TMEFF1: variants seen among roughly 807,000 people sequenced by gnomAD.
TMEFF1 encodes transmembrane protein with EGF like and two follistatin like domains 1.
A neutral mutation model predicts 47.5 loss-of-function variants in TMEFF1; 20 were observed. The ratio of observed to expected loss-of-function variants is 0.42; its 90% CI spans 0.30 to 0.61. The LOEUF (loss-of-function observed/expected upper bound fraction) is 0.61, where lower values mean the gene tolerates loss of function less well. Among genes scored for constraint, TMEFF1 ranks in the 20% least tolerant of loss-of-function variants. TMEFF1 has a pLI of 0.19. For missense variants in TMEFF1, 411 were observed against 471.1 expected, an observed-to-expected ratio of 0.87 and a Z score of 1.18; for synonymous variants, 162 against 166.3, an observed-to-expected ratio of 0.97 and a Z score of 0.20.
At chr9:100,510,929 A>C (rs1022458735) in intron 3 of TMEFF1, among the ~76,000 whole-genome samples, 4 of 152,112 alleles carry the variant, frequency 2.6e-5, no homozygotes, top group Non-Finnish European at 5.9e-5. Context: ...CCCAACCCTA[A>C]GACTTAGACG....
intron 6 of TMEFF1, among the ~76,000 whole-genome samples, chr9:100,549,523 C>A (rs748175482): frequency 6.6e-6 from 1 of 152,164 alleles, no homozygotes; most frequent in Non-Finnish European, 1.5e-5. Flanking sequence ...TTAGTCCCCT[C>A]TGTAATTTTT....
At chr9:100,569,057 G>A (rs1221154623) in intron 8 of TMEFF1, among the ~76,000 whole-genome samples, 1 of 152,156 alleles carries the variant, frequency 6.6e-6, no homozygotes, top group African/African-American at 2.4e-5. Context: ...AAGTTTTTGT[G>A]TGAACGTGTT....
intron 1 of TMEFF1, among the ~76,000 whole-genome samples, chr9:100,475,124 G>A (rs1006505053): frequency 6.6e-6 from 1 of 152,222 alleles, no homozygotes; most frequent in Admixed American, 6.5e-5. Context: ...GGAATCTGCC[G>A]GACAACCTTT....
intron 1 of TMEFF1, among the ~76,000 whole-genome samples, chr9:100,486,737 A>G (rs879411571): frequency 2.0e-5 from 3 of 151,910 alleles, no homozygotes; most frequent in Admixed American, 6.6e-5. Context: ...GGCTCAATTG[A>G]TCCTCCTACC....
In TMEFF1 at chr9:100,532,733, A is replaced by G. The variant is rs1324586799; in HGVS notation, c.561-15011A>G. On this transcript the variant is annotated intron_variant, in intron 5 of 9. Coordinates refer to ENST00000374879, the MANE Select transcript of TMEFF1 (RefSeq NM_003692.5). The stretch of plus-strand genomic sequence containing the variant: ...TACCATTTGACCCAGCCATCCCATT[A>G]CTGGGTATATACCCAAAGGACTATA... Among the ~76,000 whole-genome samples the G allele has an allele frequency of 3.9e-5, 6 of 152,108 alleles. No individual in the cohort carries two copies. The East Asian group carries it at 1.2e-3, about 29-fold the overall frequency.
At chr9:100,506,310 A>C (rs75295096) in intron 2 of TMEFF1, among the ~76,000 whole-genome samples, 3 of 152,262 alleles carry the variant, frequency 2.0e-5, no homozygotes, top group Non-Finnish European at 4.4e-5. Flanking sequence ...AATGTGAAAA[A>C]TTTGTTGACA....
intron 1 of TMEFF1, among the ~76,000 whole-genome samples, chr9:100,479,349 C>T (rs1837296291): frequency 6.6e-6 from 1 of 152,154 alleles, no homozygotes; most frequent in Admixed American, 6.5e-5. Context: ...GCTTGCTTCC[C>T]TACAGCAGTC....
chr9:100,485,812 T>G (rs1325523644), intron 1 of TMEFF1, among the ~76,000 whole-genome samples: 4 of 152,220 alleles, frequency 2.6e-5, no homozygotes, highest in Admixed American at 2.6e-4. Context: ...CTGAAAATTC[T>G]CTCCGTATAT....
At chr9:100,542,560 G>A (rs1053403785) in intron 5 of TMEFF1, among the ~76,000 whole-genome samples, 2 of 152,114 alleles carry the variant, frequency 1.3e-5, no homozygotes, top group Non-Finnish European at 2.9e-5. Flanking sequence ...CTACCTTAGC[G>A]CATAGCAGGT....
intron 2 of TMEFF1, among the ~76,000 whole-genome samples, chr9:100,504,999 A>G (rs1220463730): frequency 6.6e-6 from 1 of 152,252 alleles, no homozygotes; most frequent in African/African-American, 2.4e-5. Flanking sequence ...TAAAGGAGAA[A>G]TAAAAGTAAT....
intron 5 of TMEFF1, among the ~76,000 whole-genome samples, chr9:100,545,589 G>A (rs1303275882): frequency 6.6e-6 from 1 of 152,148 alleles, no homozygotes; most frequent in Admixed American, 6.5e-5. Context: ...CATTGTTTTG[G>A]GGATTAACAT....
chr9:100,537,426 T>C (rs1838536012), intron 5 of TMEFF1, among the ~76,000 whole-genome samples: 3 of 152,220 alleles, frequency 2.0e-5, no homozygotes, highest in African/African-American at 4.8e-5. Flanking sequence ...TTATTACATG[T>C]AGATTCAGAG....
intron 5 of TMEFF1, among the ~76,000 whole-genome samples, chr9:100,521,372 T>G (rs919946203): frequency 6.6e-6 from 1 of 152,304 alleles, no homozygotes; most frequent in East Asian, 1.9e-4. Context: ...AATTTATACC[T>G]AGAGGTGTAG....
At chr9:100,533,321 G>A (rs943362143) in intron 5 of TMEFF1, among the ~76,000 whole-genome samples, 1 of 151,972 alleles carries the variant, frequency 6.6e-6, no homozygotes, top group Admixed American at 6.6e-5. Context: ...AATGATTAGT[G>A]TACCCTTAAG....
At chr9:100,535,696 G>C (rs564806693) in intron 5 of TMEFF1, among the ~76,000 whole-genome samples, 3 of 152,174 alleles carry the variant, frequency 2.0e-5, no homozygotes, top group African/African-American at 7.2e-5. Context: ...CCTGGGAGGC[G>C]GAGGTTGCAG....
rs533448582 is a variant in TMEFF1 at position 100,473,420 on chromosome 9, G to A, written c.-125G>A. 5.8e-6 allele frequency: 4 copies of A among 693,406 alleles called. No homozygotes were observed. The highest frequency in any genetic ancestry group is 3.8e-5 in the African/African-American group (2 of 53,236). 43.0% of individuals were successfully genotyped at this position (693,406 alleles called of 1,614,324 possible). A position where few individuals can be genotyped will look rare whatever the true frequency, so the allele number is the denominator to read the frequency against. ...GCGGGTGGGGCGGGGATGCTGACGG[G>A]CTGCTCCCCGGCTCAGCGGCGCGGC... On this transcript the variant is annotated 5_prime_UTR_variant, in exon 1 of 10. Transcript: ENST00000374879. The surrounding 1 kb of genome is among the most constrained non-coding windows in gnomAD (Gnocchi z 5.4).
intron 6 of TMEFF1, among the ~76,000 whole-genome samples, chr9:100,549,092 C>G (rs1288766807): frequency 6.6e-6 from 1 of 152,064 alleles, no homozygotes; most frequent in South Asian, 2.1e-4. Flanking sequence ...CCTCACGTTG[C>G]TAGAAAGAAT....
At chr9:100,488,353 T>C (rs1479936682) in intron 1 of TMEFF1, among the ~76,000 whole-genome samples, 1 of 152,228 alleles carries the variant, frequency 6.6e-6, no homozygotes, top group Admixed American at 6.5e-5. Flanking sequence ...TTTTCTACTT[T>C]GGTTTTACAG....
chr9:100,544,944 A>G (rs1248749265), intron 5 of TMEFF1, among the ~76,000 whole-genome samples: 5 of 152,228 alleles, frequency 3.3e-5, no homozygotes, highest in Admixed American at 6.5e-5. Flanking sequence ...ATGCCGATGC[A>G]AAAGGTGGGT....
Sources: allele counts gnomAD v4.1 joint callset (sites outside exome capture counted in the v4.1 genomes callset), GRCh38; gene constraint gnomAD v4.1.1; non-coding constraint Gnocchi (gnomAD v3.1); transcripts MANE v1.5; gene names NCBI Gene and HGNC (gene_info 2026-07-23, HGNC 2026-07-21).